The following PRR5L variants were observed in gnomAD, a reference collection of about 807,000 sequenced individuals.
The protein encoded by PRR5L is proline rich 5 like, also known as proline-rich protein 5-like.
Under a neutral mutation model 36.4 loss-of-function variants are expected in PRR5L, and 21 were observed. The observed-to-expected ratio is 0.58, with a 90% CI of 0.41 to 0.83. PRR5L has a LOEUF of 0.83. Among genes scored for constraint, PRR5L ranks in the 40% least tolerant of loss-of-function variants. The pLI is 0.00. For synonymous variants in PRR5L, 188 were observed against 197.0 expected (o/e 0.95, Z 0.38); for missense variants, 381 against 473.3 (o/e 0.80, Z 1.81).
chr11:36,327,069 T>C (rs1856672071), intron 1 of PRR5L, among the ~76,000 whole-genome samples: 1 of 152,230 alleles, frequency 6.6e-6, no homozygotes, highest in South Asian at 2.1e-4. Context: ...AGGTAGCTAT[T>C]AATTTAACAC....
Position 36,462,377 on chromosome 11 carries a change from G to T in PRR5L, c.748G>T (p.Val250Phe). The T allele has an allele frequency of 6.5e-7, 1 of 1,545,292 alleles. No individual in the cohort carries two copies. Reference sequence around the variant, plus strand: ...CTCCAGGGTCCGGCCCAAGGTGACTGTCCTGAACTATGCCTCCCCGATAAC... The same window carrying T: ...CTCCAGGGTCCGGCCCAAGGTGACTTTCCTGAACTATGCCTCCCCGATAAC... ...RHSRVRPKVT[V>F]LNYASPITAV... Residue 250 changes from valine to phenylalanine, a missense_variant, in exon 9 of 9, where the codon GTC (valine) becomes TTC (phenylalanine). Val to Phe is a conservative substitution (Grantham distance 50). Transcript: ENST00000530639.
intron 1 of PRR5L, among the ~76,000 whole-genome samples, chr11:36,332,322 G>A (rs1010961308): frequency 6.6e-6 from 1 of 152,166 alleles, no homozygotes; most frequent in Non-Finnish European, 1.5e-5. Context: ...CAGCAAAACT[G>A]TAGGTTTGCC....
rs181804482 is a variant in PRR5L, at chr11:36,406,136, G to A, written c.245+2758G>A. On this transcript the variant is annotated intron_variant, in intron 3 of 8. Coordinates refer to ENST00000530639, the MANE Select transcript of PRR5L (RefSeq NM_001160167.2). The stretch of plus-strand genomic sequence containing the variant: ...TTTTTGCCATCGTTCCTTTCCCGAG[G>A]TCTCTGTGAGCCCATCTCTTATCAC... Among the ~76,000 whole-genome samples the A allele has an allele frequency of 6.4e-3, 967 of 151,788 alleles. 5 individuals carry two copies. Among genetic ancestry groups the A allele is most frequent in the Middle Eastern group, 0.014 (4 of 294 alleles).
intron 1 of PRR5L, among the ~76,000 whole-genome samples, chr11:36,322,058 T>C (rs11603116): frequency 0.023 from 3,463 of 152,326 alleles, 83 homozygotes; most frequent in East Asian, 0.099. Flanking sequence ...TTGTGAGGGA[T>C]GTAATCAACC....
intron 1 of PRR5L, among the ~76,000 whole-genome samples, chr11:36,355,048 G>A (rs567490846): frequency 6.6e-6 from 1 of 152,294 alleles, no homozygotes; most frequent in South Asian, 2.1e-4. Context: ...TCATTCATTA[G>A]AATCTGTTCC....
At position 36,431,166 on chromosome 11, in the gene PRR5L, C is replaced by T. The variant is rs546765972; in HGVS notation, c.295-687C>T. Reference sequence around the variant, plus strand: ...AGTGGAGTGGAAAGAACATGGCTTACAGACCCAGGAAGACCAGGTCTGTCT... The same window carrying T: ...AGTGGAGTGGAAAGAACATGGCTTATAGACCCAGGAAGACCAGGTCTGTCT... On this transcript the variant is annotated intron_variant, in intron 4 of 8. Transcript: ENST00000530639. Among the ~76,000 whole-genome samples, 163 of 152,316 alleles carry T rather than the reference C, an allele frequency of 1.1e-3. 1 individual carries two copies. The highest frequency in any genetic ancestry group is 2.1e-3 in the Non-Finnish European group (144 of 68,032).
intron 8 of PRR5L, among the ~76,000 whole-genome samples, chr11:36,452,667 G>GCTCA (rs780976796): frequency 3.3e-5 from 5 of 152,200 alleles, no homozygotes; most frequent in Non-Finnish European, 7.4e-5. Flanking sequence ...CTTCCTGCTG[G>GCTCA]CTCAGCTCAC....
chr11:36,343,841 A>C (rs1856839763), intron 1 of PRR5L, among the ~76,000 whole-genome samples: 1 of 152,192 alleles, frequency 6.6e-6, no homozygotes, highest in African/African-American at 2.4e-5. Flanking sequence ...GTCAGAATAT[A>C]GATCTAGGGC....
chr11:36,309,962 AC>A, intron 1 of PRR5L, among the ~76,000 whole-genome samples: 2 of 152,302 alleles, frequency 1.3e-5, no homozygotes, highest in Non-Finnish European at 2.9e-5. Flanking sequence ...CATCATCCCC[AC>A]TACCACCACC....
At chr11:36,457,714 C>A (rs1484506866) in intron 8 of PRR5L, among the ~76,000 whole-genome samples, 2 of 152,178 alleles carry the variant, frequency 1.3e-5, no homozygotes, top group South Asian at 2.1e-4. Flanking sequence ...TTTGCACAAA[C>A]CCCTCCTGGC....
chr11:36,298,096 G>T (rs1856332620), intron 1 of PRR5L, among the ~76,000 whole-genome samples: 1 of 152,134 alleles, frequency 6.6e-6, no homozygotes, highest in Non-Finnish European at 1.5e-5. Context: ...CCTTGAAGCT[G>T]GTTGCCTAAT....
At chr11:36,403,728 G>A (rs1407613620) in intron 3 of PRR5L, among the ~76,000 whole-genome samples, 1 of 152,212 alleles carries the variant, frequency 6.6e-6, no homozygotes, top group African/African-American at 2.4e-5. Context: ...GAACCAGACT[G>A]CTTGAGGTTT....
intron 3 of PRR5L, among the ~76,000 whole-genome samples, chr11:36,404,074 G>T (rs1304158072): frequency 1.3e-5 from 2 of 152,184 alleles, no homozygotes; most frequent in Non-Finnish European, 2.9e-5. Context: ...GCTCCAGTTG[G>T]TAGAAACTGC....
At chr11:36,389,631 T>TG (rs34629001) in intron 1 of PRR5L, among the ~76,000 whole-genome samples, 6 of 149,934 alleles carry the variant, frequency 4.0e-5, no homozygotes, top group Admixed American at 2.0e-4. Flanking sequence ...TTTTTTTTTT[T>TG]GGTAGAGTTT....
At position 36,352,654 on chromosome 11, in the gene PRR5L, T is replaced by C. The variant is rs1001964957; in HGVS notation, c.-125-48343T>C. ...TCAGTATGGATCCCCAATTTTCCCC[T>C]GTTTCTTCTATTCAGCTCAGAGGGC... On this transcript the variant is annotated intron_variant, in intron 1 of 8. Transcript: ENST00000530639. Among the ~76,000 whole-genome samples, 4 of 119,114 alleles carry C rather than the reference T, an allele frequency of 3.4e-5. No homozygotes were observed. In the South Asian group the frequency reaches 1.0e-3, roughly 31 times the overall value. The allele number at this position is 119,114 out of a possible 152,430, so 78.1% of individuals were successfully genotyped here.
chr11:36,442,364 CAG>C (rs1310983269), intron 6 of PRR5L, among the ~76,000 whole-genome samples: 2 of 148,106 alleles, frequency 1.4e-5, no homozygotes, highest in Admixed American at 6.8e-5. Flanking sequence ...TTTTTCGAGA[CAG>C]AGTCTCACTC....
At chr11:36,456,821 A>G (rs1321752056) in intron 8 of PRR5L, among the ~76,000 whole-genome samples, 2 of 152,268 alleles carry the variant, frequency 1.3e-5, no homozygotes, top group South Asian at 4.1e-4. Context: ...GCATGGAGGT[A>G]CACAAGTGTG....
At chr11:36,430,595 C>T (rs1036950112) in intron 4 of PRR5L, among the ~76,000 whole-genome samples, 1 of 152,146 alleles carries the variant, frequency 6.6e-6, no homozygotes, top group African/African-American at 2.4e-5. Flanking sequence ...GCCTCCCACT[C>T]CTTTTTTGAA....
intron 1 of PRR5L, chr11:36,381,587 C>CT (rs11453250): frequency 0.76 from 115,795 of 151,678 alleles, 44,384 homozygotes; most frequent in African/African-American, 0.81. Flanking sequence ...CCCTTTTATG[C>CT]TGCCATTTAA....
Sources: allele counts gnomAD v4.1 joint callset (sites outside exome capture counted in the v4.1 genomes callset), GRCh38; gene constraint gnomAD v4.1.1; transcripts MANE v1.5; gene names NCBI Gene and HGNC (gene_info 2026-07-23, HGNC 2026-07-21).